Variants in AIM2 observed in about 807,000 individuals in gnomAD.
The protein encoded by AIM2 is absent in melanoma 2, also known as interferon-inducible protein AIM2.
A neutral mutation model predicts 27.7 loss-of-function variants in AIM2; 30 were observed. That is an observed-to-expected ratio of 1.08 (90% CI 0.81 to 1.47). The LOEUF is 1.47. AIM2 is among the 40% of genes most tolerant of loss of function. The probability of loss-of-function intolerance (pLI) is 0.00; values close to 1 mark genes in which losing one functional copy is unlikely to be tolerated. For synonymous variants in AIM2, 141 were observed against 145.3 expected (o/e 0.97, Z 0.21); for missense variants, 358 against 411.3 (o/e 0.87, Z 1.12).
intron 1 of AIM2, among the ~76,000 whole-genome samples, chr1:159,098,857 C>T (rs1657256252): frequency 6.6e-6 from 1 of 152,144 alleles, no homozygotes; most frequent in African/African-American, 2.4e-5. Flanking sequence ...TAGACAAACA[C>T]ACTCCTGAGA....
rs35354479 is a variant in AIM2 at position 159,126,648 on chromosome 1, CA to C, written c.-16+13782del. On this transcript the variant is annotated intron_variant, in intron 1 of 2. Transcript: ENST00000368129. ...TGGGTGACAGAGCGAGACTACGTCTCAAAAAAAAAAAAAAAAAAATTGATAG... is the reference window on the plus strand; with the variant it reads ...TGGGTGACAGAGCGAGACTACGTCTCAAAAAAAAAAAAAAAAAATTGATAG... Among the ~76,000 whole-genome samples, 831 of 113,642 alleles carry C rather than the reference CA, an allele frequency of 7.3e-3. 4 individuals are homozygous for C. The highest frequency in any genetic ancestry group is 0.013 in the Middle Eastern group (3 of 224). The allele number at this position is 113,642 out of a possible 152,430, so 74.6% of individuals were successfully genotyped here.
chr1:159,063,380 T>A, intron 5 of AIM2, 106 bp downstream of exon 5: 1 of 1,059,548 alleles, frequency 9.4e-7, no homozygotes, highest in Non-Finnish European at 1.4e-6. Flanking sequence ...TAAATATCAA[T>A]GTCTTCCACT....
At chr1:159,138,101 T>C (rs930320506) in intron 1 of AIM2, among the ~76,000 whole-genome samples, 6 of 152,228 alleles carry the variant, frequency 3.9e-5, no homozygotes, top group African/African-American at 1.4e-4. Flanking sequence ...GGGAAAGTTA[T>C]GTTATCTATG....
chr1:159,108,895 GAC>G (rs1483810166), intron 1 of AIM2, among the ~76,000 whole-genome samples: 1 of 152,048 alleles, frequency 6.6e-6, no homozygotes. Context: ...AATCATAGAC[GAC>G]ACACACAAAT....
At position 159,065,937 on chromosome 1, in the gene AIM2, A is replaced by C; in HGVS notation, c.789T>G (p.Ile263Met). The part of the protein sequence containing the change: ...NTLQTQPLGT[I>M]VNGLFVVQKV... ...TCTGGACTACAAACAAACCATTCAC[A>C]ATTGTTCCAAGGGGCTGAGTTTGAA... Residue 263 changes from isoleucine (I) to methionine (M), a missense_variant, in exon 4 of 6, where the codon ATT becomes ATG. Transcript: ENST00000368130. The C allele has an allele frequency of 6.2e-7, 1 of 1,612,722 alleles. No homozygotes were observed. Among genetic ancestry groups the C allele is most frequent in the Non-Finnish European group, 8.5e-7 (1 of 1,179,374 alleles).
intron 1 of AIM2, among the ~76,000 whole-genome samples, chr1:159,095,100 C>T (rs75260713): frequency 0.013 from 2,004 of 152,276 alleles, 53 homozygotes; most frequent in African/African-American, 0.046. Context: ...AGAAGCACTA[C>T]AGGTATTAAC....
chr1:159,076,787 C>T (rs1391466606), upstream of AIM2: 3 of 152,312 alleles, frequency 2.0e-5, no homozygotes, highest in African/African-American at 7.2e-5. Flanking sequence ...ACATGTACCC[C>T]TAATAAACAC....
intron 1 of AIM2, among the ~76,000 whole-genome samples, chr1:159,100,591 T>G (rs1462206266): frequency 6.6e-6 from 1 of 152,224 alleles, no homozygotes; most frequent in African/African-American, 2.4e-5. Context: ...TGAACCTAAG[T>G]TGGCATTAGT....
Position 159,098,379 on chromosome 1 carries a change from G to A in AIM2, c.-15-32050C>T, listed in dbSNP as rs150754057. Among the ~76,000 whole-genome samples the A allele has an allele frequency of 2.5e-3, 380 of 151,882 alleles. 3 individuals carry two copies. The highest frequency in any genetic ancestry group is 8.4e-3 in the African/African-American group (349 of 41,510). On this transcript the variant is annotated intron_variant, in intron 1 of 2. Transcript: ENST00000368129. ...TGCTCTCCAACAGTTGCCACTAACC[G>A]TATATGACTATTTCAGCTCAAAATT...
chr1:159,065,170 C>T (rs553644011), intron 4 of AIM2, among the ~76,000 whole-genome samples: 19 of 152,240 alleles, frequency 1.2e-4, no homozygotes, highest in African/African-American at 4.6e-4. Context: ...TTAGGTCCTG[C>T]CCTAGACCAG....
At chr1:159,102,222 G>C (rs969096438) in intron 1 of AIM2, among the ~76,000 whole-genome samples, 39 of 152,196 alleles carry the variant, frequency 2.6e-4, no homozygotes, top group African/African-American at 9.4e-4. Flanking sequence ...TCCAAGCCTT[G>C]GTAGCTTCCA....
chr1:159,087,761 C>T (rs545305795), intron 1 of AIM2, among the ~76,000 whole-genome samples: 44 of 151,898 alleles, frequency 2.9e-4, no homozygotes, highest in Middle Eastern at 6.8e-3. Flanking sequence ...TTAGTAGAGA[C>T]GGGGTTTCAC....
the AIM2 span, among the ~76,000 whole-genome samples, chr1:159,056,859 G>A: frequency 2.5e-3 from 387 of 151,882 alleles, 1 homozygote; most frequent in Middle Eastern, 0.027. Flanking sequence ...TGCATCTGAC[G>A]GGAGTGTCCC....
intron 2 of AIM2, among the ~76,000 whole-genome samples, chr1:159,070,428 G>A (rs551058799): frequency 2.6e-5 from 4 of 152,238 alleles, no homozygotes; most frequent in East Asian, 3.9e-4. Flanking sequence ...GCTCCTCCAC[G>A]TCTATGGTCA....
chr1:159,085,609 C>G (rs771746515), intron 1 of AIM2, among the ~76,000 whole-genome samples: 8 of 152,140 alleles, frequency 5.3e-5, no homozygotes, highest in African/African-American at 1.9e-4. Context: ...CAGACAGTAA[C>G]GTGGGCAGCA....
At chr1:159,146,707 G>A (rs541994022) in intron 1 of AIM2, among the ~76,000 whole-genome samples, 3 of 152,082 alleles carry the variant, frequency 2.0e-5, no homozygotes, top group South Asian at 4.2e-4. Flanking sequence ...CCTAGATTCA[G>A]CCCACTGCTC....
At chr1:159,121,708 G>T (rs1213702916) in intron 1 of AIM2, among the ~76,000 whole-genome samples, 1 of 152,134 alleles carries the variant, frequency 6.6e-6, no homozygotes, top group African/African-American at 2.4e-5. Flanking sequence ...CATTTCAAGG[G>T]CACTCTGCCA....
chr1:159,130,840 A>ACG (rs1476100335), intron 1 of AIM2, among the ~76,000 whole-genome samples: 1 of 135,080 alleles, frequency 7.4e-6, no homozygotes, highest in Non-Finnish European at 1.6e-5. Context: ...ACACACACAC[A>ACG]CACGCACGCA....
At chr1:159,072,017 A>G (rs938568912) in intron 2 of AIM2, among the ~76,000 whole-genome samples, 3 of 152,238 alleles carry the variant, frequency 2.0e-5, no homozygotes, top group Non-Finnish European at 4.4e-5. Context: ...GGTCAAAGAG[A>G]AGAATTAATT....
Sources: gnomAD v4.1 joint callset for allele counts (sites outside exome capture counted in the v4.1 genomes callset) on GRCh38, gnomAD v4.1.1 for gene constraint, MANE v1.5 for transcripts, NCBI Gene and HGNC (gene_info 2026-07-23, HGNC 2026-07-21) for gene names.